Variants in MIR2052HG observed in about 807,000 individuals in gnomAD.
MIR2052HG encodes the protein MIR2052 host gene.
chr8:74,694,442 G>A lies in MIR2052HG; in HGVS notation n.217-7937G>A, dbSNP rs192393336. Among the ~76,000 whole-genome samples, 128 of 152,154 alleles carry A rather than the reference G, an allele frequency of 8.4e-4. 1 individual carries two copies. Among genetic ancestry groups the A allele is most frequent in the Middle Eastern group, 6.8e-3 (2 of 294 alleles). On this transcript the variant is annotated intron_variant and non_coding_transcript_variant, in intron 2 of 6. Transcript: ENST00000523442. ...AGAAAAACAATTCTGGTAATACGAC[G>A]AAACTAGGTTCTTTAACATCCCTGA...
chr8:74,693,483 G>A (rs1233127659), intron 2 of MIR2052HG, among the ~76,000 whole-genome samples: 3 of 152,162 alleles, frequency 2.0e-5, no homozygotes, highest in East Asian at 3.9e-4. Flanking sequence ...CACAGCAGGT[G>A]GTGGGCAGGA....
intron 2 of MIR2052HG, among the ~76,000 whole-genome samples, chr8:74,633,698 C>T (rs552996001): frequency 6.6e-6 from 1 of 152,326 alleles, no homozygotes; most frequent in South Asian, 2.1e-4. Flanking sequence ...TGGGGCTGCA[C>T]TCAGCATTGA....
intron 2 of MIR2052HG, among the ~76,000 whole-genome samples, chr8:74,699,887 A>G (rs999500259): frequency 6.6e-6 from 1 of 152,166 alleles, no homozygotes; most frequent in East Asian, 1.9e-4. Context: ...TCGATTTTAA[A>G]CAACCCATAC....
In MIR2052HG at chr8:74,608,769, T is replaced by G. The variant is rs552436081; in HGVS notation, n.129-4084T>G. ...GAACTGAATGAAAATGAAAATACAG[T>G]ATCAAATTTTGTGAGATGAAGTTAA... On this transcript the variant is annotated intron_variant and non_coding_transcript_variant, in intron 1 of 6. Coordinates refer to ENST00000523442, the Ensembl canonical transcript of MIR2052HG. Among the ~76,000 whole-genome samples the G allele has an allele frequency of 2.6e-5, 4 of 152,186 alleles. No homozygotes were observed. The East Asian group carries it at 7.7e-4, about 29-fold the overall frequency.
At chr8:74,628,603 C>T (rs1808467666) in intron 2 of MIR2052HG, among the ~76,000 whole-genome samples, 1 of 152,164 alleles carries the variant, frequency 6.6e-6, no homozygotes, top group African/African-American at 2.4e-5. Context: ...TAGTCTGGAT[C>T]TCCACAATTC....
At chr8:74,717,106 GGCTTTAATTCCCACAT>G (rs1241003994) in intron 4 of MIR2052HG, among the ~76,000 whole-genome samples, 2 of 151,984 alleles carry the variant, frequency 1.3e-5, no homozygotes, top group African/African-American at 2.4e-5. Flanking sequence ...CCGTCATCTA[GGCTTTAATTCCCACAT>G]GCTTTAGGTA....
chr8:74,671,477 G>A (rs1043704285), intron 2 of MIR2052HG, among the ~76,000 whole-genome samples: 7 of 152,146 alleles, frequency 4.6e-5, no homozygotes, highest in African/African-American at 1.7e-4. Context: ...GTAGAGTTGA[G>A]TTTATTAAAA....
chr8:74,646,726 G>A (rs1808692819), intron 2 of MIR2052HG, among the ~76,000 whole-genome samples: 1 of 152,026 alleles, frequency 6.6e-6, no homozygotes, highest in Non-Finnish European at 1.5e-5. Flanking sequence ...CTAGGAGTTC[G>A]ATATCAGACC....
intron 2 of MIR2052HG, among the ~76,000 whole-genome samples, chr8:74,642,258 C>T (rs80089775): frequency 0.072 from 10,956 of 151,902 alleles, 601 homozygotes; most frequent in African/African-American, 0.15. Flanking sequence ...TTAATGTGCG[C>T]GGTTTCCAAG....
intron 2 of MIR2052HG, among the ~76,000 whole-genome samples, chr8:74,657,289 G>A (rs188844694): frequency 6.6e-6 from 1 of 152,314 alleles, no homozygotes; most frequent in East Asian, 1.9e-4. Context: ...TGAGGATGGG[G>A]AGGAGAAGAA....
chr8:74,650,767 T>C (rs1355358220), intron 2 of MIR2052HG, among the ~76,000 whole-genome samples: 1 of 152,178 alleles, frequency 6.6e-6, no homozygotes, highest in Non-Finnish European at 1.5e-5. Flanking sequence ...CAGGTTAACA[T>C]GTGACTGAAA....
At chr8:74,630,535 A>G (rs1483544034) in intron 2 of MIR2052HG, among the ~76,000 whole-genome samples, 2 of 143,140 alleles carry the variant, frequency 1.4e-5, no homozygotes, top group African/African-American at 4.9e-5. Context: ...TCTGAAAAAA[A>G]AAAAAAAAAG....
intron 2 of MIR2052HG, among the ~76,000 whole-genome samples, chr8:74,654,337 G>T (rs1345032086): frequency 6.6e-6 from 1 of 152,096 alleles, no homozygotes; most frequent in South Asian, 2.1e-4. Flanking sequence ...AGGGTGTACT[G>T]TTTGCACTCA....
chr8:74,637,194 A>G (rs1466126007), intron 2 of MIR2052HG, among the ~76,000 whole-genome samples: 10 of 152,160 alleles, frequency 6.6e-5, no homozygotes, highest in African/African-American at 2.2e-4. Flanking sequence ...GGATCTGAGC[A>G]GGCATGGAAG....
intron 4 of MIR2052HG, among the ~76,000 whole-genome samples, chr8:74,718,723 G>A (rs1809545038): frequency 6.6e-6 from 1 of 152,194 alleles, no homozygotes; most frequent in Admixed American, 6.5e-5. Context: ...GGGTAATGGT[G>A]AGGACTGTCT....
At chr8:74,674,155 TGTGTG>T (rs1809025897) in intron 2 of MIR2052HG, among the ~76,000 whole-genome samples, 1 of 151,512 alleles carries the variant, frequency 6.6e-6, no homozygotes, top group African/African-American at 2.4e-5. Context: ...TGTGTGTGTG[TGTGTG>T]TGTGTGTATC....
At chr8:74,635,262 A>G (rs575188406) in intron 2 of MIR2052HG, among the ~76,000 whole-genome samples, 1 of 151,236 alleles carries the variant, frequency 6.6e-6, no homozygotes, top group Non-Finnish European at 1.5e-5. Flanking sequence ...TTTTACCGTC[A>G]GGAAGGTTTA....
chr8:74,648,168 A>C (rs768051525), intron 2 of MIR2052HG, among the ~76,000 whole-genome samples: 2 of 152,148 alleles, frequency 1.3e-5, no homozygotes, highest in African/African-American at 2.4e-5. Context: ...ATATCACTGA[A>C]TTCTTTTCCC....
rs1421704306 is a variant in MIR2052HG, at chr8:74,745,980, C to G, written n.372-6461C>G. 6.6e-5 allele frequency among the ~76,000 whole-genome samples: 10 copies of G among 152,244 alleles called. No individual in the cohort carries two copies. In the East Asian group the frequency reaches 1.2e-3, roughly 18 times the overall value. On this transcript the variant is annotated intron_variant and non_coding_transcript_variant, in intron 4 of 6. Coordinates refer to ENST00000523442, the Ensembl canonical transcript of MIR2052HG. Reference sequence around the variant, plus strand: ...TCCTACAGATGAGAAAAGTGAGGCACTGGCTTTACTTGCTCAAGGTCACAC... The same window carrying G: ...TCCTACAGATGAGAAAAGTGAGGCAGTGGCTTTACTTGCTCAAGGTCACAC...
Sources: allele counts gnomAD v4.1 joint callset (sites outside exome capture counted in the v4.1 genomes callset), GRCh38; gene constraint gnomAD v4.1.1; transcripts MANE v1.5; gene names NCBI Gene and HGNC (gene_info 2026-07-23, HGNC 2026-07-21).